TNS3: variants seen among roughly 807,000 people sequenced by gnomAD.
The protein encoded by TNS3 is tensin-3.
Under a neutral mutation model 140.9 loss-of-function variants are expected in TNS3, and 45 were observed. The observed-to-expected ratio is 0.32, with a 90% CI of 0.25 to 0.41. The LOEUF (loss-of-function observed/expected upper bound fraction) is 0.41, where lower values mean the gene tolerates loss of function less well. Among genes scored for constraint, TNS3 ranks in the 10% least tolerant of loss-of-function variants. The pLI is 1.00. For missense variants in TNS3, 1,716 were observed against 1,906.7 expected (o/e 0.90, Z 1.86); for synonymous variants, 815 against 788.4 (o/e 1.03, Z -0.56).
intron 7 of TNS3, among the ~76,000 whole-genome samples, chr7:47,436,981 C>T (rs1224478870): frequency 6.6e-6 from 1 of 152,140 alleles, no homozygotes; most frequent in African/African-American, 2.4e-5. Context: ...ATACCAATGC[C>T]AACTTCCTGA....
intron 1 of TNS3, among the ~76,000 whole-genome samples, chr7:47,565,310 C>T (rs1189571867): frequency 1.3e-5 from 2 of 151,720 alleles, no homozygotes; most frequent in African/African-American, 2.4e-5. Context: ...CTCCTGACCT[C>T]GTGATCCACC....
rs1304723869 is a variant in TNS3 at position 47,275,844 on chromosome 7, G to A, written c.*2232C>T. 2.2e-6 allele frequency: 1 copy of A among 455,904 alleles called. No homozygotes were observed. The highest frequency in any genetic ancestry group is 4.4e-6 in the Non-Finnish European group (1 of 226,796). 28.2% of individuals were successfully genotyped at this position (455,904 alleles called of 1,614,324 possible). A position where few individuals can be genotyped will look rare whatever the true frequency, so the allele number is the denominator to read the frequency against. On this transcript the variant is annotated 3_prime_UTR_variant, in exon 31 of 31. Transcript: ENST00000311160. ...GCAGGGCTTCCTGAATGCCGTCGAG[G>A]CATGGCTTCATGAGGGCCATCGCGG...
chr7:47,306,239 G>C (rs1786745674), intron 20 of TNS3, among the ~76,000 whole-genome samples: 5 of 152,148 alleles, frequency 3.3e-5, no homozygotes, highest in Admixed American at 3.3e-4. Context: ...CTGGTCTGTG[G>C]ATTATTCAGA....
At chr7:47,420,639 A>G (rs887097278) in intron 10 of TNS3, among the ~76,000 whole-genome samples, 45 of 152,332 alleles carry the variant, frequency 3.0e-4, no homozygotes, top group Middle Eastern at 3.4e-3. Flanking sequence ...GCCAGCCTAT[A>G]AAGTCTAGGA....
chr7:47,424,657 T>A (rs1034326625), intron 9 of TNS3, among the ~76,000 whole-genome samples: 1 of 151,672 alleles, frequency 6.6e-6, no homozygotes, highest in Admixed American at 6.6e-5. Context: ...GGCAGGAGAG[T>A]CAACAGACAC....
intron 4 of TNS3, among the ~76,000 whole-genome samples, chr7:47,479,538 C>T (rs1797336880): frequency 6.6e-6 from 1 of 151,728 alleles, no homozygotes; most frequent in African/African-American, 2.4e-5. Context: ...GAGACTGGAC[C>T]ACAGGCCTGG....
intron 4 of TNS3, among the ~76,000 whole-genome samples, chr7:47,460,750 C>T (rs1796458200): frequency 6.6e-6 from 1 of 152,204 alleles, no homozygotes; most frequent in Non-Finnish European, 1.5e-5. Flanking sequence ...GGAAAACAAT[C>T]CAGTAAGTCA....
intron 16 of TNS3, among the ~76,000 whole-genome samples, chr7:47,393,026 A>T (rs1322278507): frequency 1.3e-5 from 2 of 152,218 alleles, no homozygotes; most frequent in African/African-American, 2.4e-5. Context: ...CAGTGTGCTC[A>T]GTGAGAAGGA....
At chr7:47,441,864 C>A (rs1476935749) in intron 5 of TNS3, 139 bp downstream of exon 5, 2 of 613,346 alleles carry the variant, frequency 3.3e-6, no homozygotes, top group Non-Finnish European at 5.3e-6. Context: ...GCCTGTATCA[C>A]CTTTGATTGG....
intron 3 of TNS3, among the ~76,000 whole-genome samples, chr7:47,488,532 G>A (rs1382695911): frequency 6.6e-6 from 1 of 152,196 alleles, no homozygotes; most frequent in Non-Finnish European, 1.5e-5. Context: ...GTGTGTGTCT[G>A]TGTCCCAGTC....
chr7:47,406,308 G>C (rs1187824674), intron 13 of TNS3, among the ~76,000 whole-genome samples: 1 of 152,206 alleles, frequency 6.6e-6, no homozygotes, highest in Non-Finnish European at 1.5e-5. Context: ...CTTTGCTGTT[G>C]CCTGCAGCAG....
At chr7:47,391,269 A>G (rs1437314091) in intron 16 of TNS3, among the ~76,000 whole-genome samples, 2 of 152,180 alleles carry the variant, frequency 1.3e-5, no homozygotes, top group Non-Finnish European at 2.9e-5. Flanking sequence ...CTGGTACCCA[A>G]TTATGGTACA....
At chr7:47,396,221 C>G (rs1291109490) in intron 16 of TNS3, among the ~76,000 whole-genome samples, 2 of 152,178 alleles carry the variant, frequency 1.3e-5, no homozygotes, top group South Asian at 4.1e-4. Context: ...TTCCAGCACA[C>G]AGCTGCCCCT....
At position 47,278,238 on chromosome 7, in the gene TNS3, A is replaced by G; in HGVS notation, c.4194-18T>C. ...CAAAGACTCTGCCAAAGGAAAGTCC[A>G]GTCAGAGTGGTCAGTGTCCCACAAA... On this transcript the variant is annotated intron_variant, in intron 30 of 30. Coordinates refer to ENST00000311160, the MANE Select transcript of TNS3 (RefSeq NM_022748.12). The G allele has an allele frequency of 6.2e-7, 1 of 1,611,368 alleles. No homozygotes were observed. Among genetic ancestry groups the G allele is most frequent in the Non-Finnish European group, 8.5e-7 (1 of 1,178,746 alleles).
intron 4 of TNS3, among the ~76,000 whole-genome samples, chr7:47,475,192 G>T (rs903423568): frequency 6.6e-6 from 1 of 152,268 alleles, no homozygotes; most frequent in Non-Finnish European, 1.5e-5. Context: ...TGCAAAGGTG[G>T]AGTGTGAGCT....
At chr7:47,497,073 C>T (rs1798040572) in intron 3 of TNS3, among the ~76,000 whole-genome samples, 1 of 152,146 alleles carries the variant, frequency 6.6e-6, no homozygotes, top group Non-Finnish European at 1.5e-5. Flanking sequence ...GTCTGAGGCA[C>T]TAATTAAGCC....
chr7:47,529,778 C>T (rs1272446055), intron 1 of TNS3, among the ~76,000 whole-genome samples: 2 of 152,248 alleles, frequency 1.3e-5, no homozygotes, highest in Non-Finnish European at 1.5e-5. Context: ...AGCCAAGGCT[C>T]TCAGCTATAT....
chr7:47,441,389 G>A (rs1165378195), intron 5 of TNS3, among the ~76,000 whole-genome samples: 1 of 152,078 alleles, frequency 6.6e-6, no homozygotes, highest in Non-Finnish European at 1.5e-5. Context: ...TGTTGGCCAG[G>A]ATGGTCTCGA....
At chr7:47,515,460 A>G (rs1584798047) in intron 2 of TNS3, among the ~76,000 whole-genome samples, 3 of 152,220 alleles carry the variant, frequency 2.0e-5, no homozygotes, top group Admixed American at 2.0e-4. Context: ...CAACATCATC[A>G]TCACCATCAT....
Sources: gnomAD v4.1 joint callset for allele counts (sites outside exome capture counted in the v4.1 genomes callset) on GRCh38, gnomAD v4.1.1 for gene constraint, MANE v1.5 for transcripts, NCBI Gene and HGNC (gene_info 2026-07-23, HGNC 2026-07-21) for gene names.